GMEB1: variants seen among roughly 807,000 people sequenced by gnomAD.
GMEB1 encodes glucocorticoid modulatory element binding protein 1.
Under a neutral mutation model 52.4 loss-of-function variants are expected in GMEB1, and 6 were observed. The ratio of observed to expected loss-of-function variants is 0.11; its 90% confidence interval spans 0.06 to 0.23. GMEB1 has a LOEUF of 0.23. GMEB1 is among the 10% of genes least tolerant of loss of function. The pLI is 1.00. For synonymous variants in GMEB1, 255 were observed against 244.9 expected (o/e 1.04, Z -0.38); for missense variants, 486 against 685.6 (o/e 0.71, Z 3.25).
In GMEB1 at chr1:28,674,023, T is replaced by G. The variant is rs1458548766; in HGVS notation, c.-31+5184T>G. 3.3e-5 allele frequency among the ~76,000 whole-genome samples: 5 copies of G among 151,962 alleles called. No individual in the cohort carries two copies. The East Asian group carries it at 9.7e-4, about 29-fold the overall frequency. Reference sequence around the variant, plus strand: ...TTAGCCAGGCATGGTGGCGGGCACCTGTAATCCCAGCTACTCGGGAGGCTG... The same window carrying G: ...TTAGCCAGGCATGGTGGCGGGCACCGGTAATCCCAGCTACTCGGGAGGCTG... On this transcript the variant is annotated intron_variant, in intron 1 of 9. Transcript: ENST00000373816.
intron 1 of GMEB1, among the ~76,000 whole-genome samples, chr1:28,682,913 C>T (rs116455285): frequency 0.011 from 1,674 of 152,240 alleles, 14 homozygotes; most frequent in Non-Finnish European, 0.018. Context: ...TTGTCAATTT[C>T]GGGTCTGTTT....
intron 1 of GMEB1, 160 bp from the exon 2 acceptor site, chr1:28,683,423 C>T: frequency 1.9e-6 from 1 of 523,892 alleles, no homozygotes; most frequent in Non-Finnish European, 3.4e-6. Flanking sequence ...ACAGATTTCT[C>T]CATGTTGGTC....
intron 6 of GMEB1, among the ~76,000 whole-genome samples, chr1:28,700,197 A>G (rs1288854019): frequency 6.6e-6 from 1 of 151,402 alleles, no homozygotes; most frequent in Non-Finnish European, 1.5e-5. Flanking sequence ...GTGAAACCCC[A>G]TCTCTACTAA....
chr1:28,693,037 C>A lies in GMEB1; in HGVS notation c.432C>A (p.Ile144=). 1 of 1,583,194 alleles carries A rather than the reference C, an allele frequency of 6.3e-7. No homozygotes were observed. Among genetic ancestry groups the A allele is most frequent in the South Asian group, 1.1e-5 (1 of 88,886 alleles). ...AGAGAGCTATTCGTCTGGGTGGGAT[C>A]ATGCTCAGGTAAGCTCTAATGTCAA... The part of the protein sequence containing the change: ...DWKRAIRLGG[I]MLRKMMDSGQ... The change falls in exon 5 of 10, where the codon ATC becomes ATA. Residue 144 remains isoleucine, a synonymous_variant. Transcript: ENST00000373816.
intron 1 of GMEB1, among the ~76,000 whole-genome samples, chr1:28,675,841 T>C (rs990539642): frequency 1.3e-5 from 2 of 152,210 alleles, no homozygotes; most frequent in East Asian, 3.8e-4. Flanking sequence ...AAGAGCTACT[T>C]TTCCATTTAC....
At position 28,706,473 on chromosome 1, in the gene GMEB1, G is replaced by A. The variant is rs553648976; in HGVS notation, c.868+2144G>A. ...ACAAAAATCCGCGAGGCATGATGGC[G>A]GGTGCCTGTAATCCCAGCTACTCAG... is the stretch of plus-strand genomic sequence containing the variant. On this transcript the variant is annotated intron_variant, in intron 8 of 9. Coordinates refer to ENST00000373816, the MANE Select transcript of GMEB1 (RefSeq NM_001319674.2). Among the ~76,000 whole-genome samples the A allele has an allele frequency of 2.2e-4, 33 of 151,642 alleles. 1 individual carries two copies. In the South Asian group the frequency reaches 6.1e-3, roughly 28 times the overall value.
intron 6 of GMEB1, among the ~76,000 whole-genome samples, chr1:28,697,782 C>G (rs968038271): frequency 1.3e-5 from 2 of 152,154 alleles, no homozygotes; most frequent in African/African-American, 4.8e-5. Flanking sequence ...GCTCTGCAGG[C>G]TAGGCGTGGT....
Position 28,691,718 on chromosome 1 carries a change from C to CT in GMEB1, c.336+13dup. 6.9e-7 allele frequency: 1 copy of CT among 1,457,744 alleles called. No individual in the cohort carries two copies. The highest frequency in any genetic ancestry group is 9.2e-7 in the Non-Finnish European group (1 of 1,085,646). 90.3% of individuals were successfully genotyped at this position (1,457,744 alleles called of 1,614,324 possible). ...ACGTGAAGTGTGTCAAGGTAATTGTCTTTTCCATGCTGAAGCCAAATTTGG... is the reference window on the plus strand; with the variant it reads ...ACGTGAAGTGTGTCAAGGTAATTGTCTTTTTCCATGCTGAAGCCAAATTTGG... On this transcript the variant is annotated intron_variant, in intron 4 of 9. Coordinates refer to ENST00000373816, the MANE Select transcript of GMEB1 (RefSeq NM_001319674.2).
rs770934513 is a variant in GMEB1 at position 28,683,720 on chromosome 1, G to T, written c.108G>T (p.Gln36His). The change falls in exon 2 of 10, where the codon CAG (glutamine) becomes CAT (histidine). Residue 36 changes from glutamine to histidine, a missense_variant. Transcript: ENST00000373816. ...PEDTKTQVIL[Q>H]LQPVQQGIYE... ...ACACTAAAACCCAAGTGATTTTGCA[G>T]TTACAGCCTGTGCAACAAGGGTAAG... The T allele has an allele frequency of 3.1e-6, 5 of 1,612,040 alleles. No individual in the cohort carries two copies. Among genetic ancestry groups the T allele is most frequent in the Non-Finnish European group, 4.2e-6 (5 of 1,179,320 alleles).
At chr1:28,681,814 T>C (rs993146084) in intron 1 of GMEB1, among the ~76,000 whole-genome samples, 1 of 152,080 alleles carries the variant, frequency 6.6e-6, no homozygotes, top group Non-Finnish European at 1.5e-5. Context: ...GCGATTCTCC[T>C]GCCTCAGCCT....
At chr1:28,684,987 TA>T (rs1669571598) in intron 2 of GMEB1, among the ~76,000 whole-genome samples, 1 of 152,148 alleles carries the variant, frequency 6.6e-6, no homozygotes, top group African/African-American at 2.4e-5. Flanking sequence ...TTTGTAGAGA[TA>T]GGGGTCTTGC....
intron 8 of GMEB1, among the ~76,000 whole-genome samples, chr1:28,709,733 A>G (rs1570437493): frequency 6.6e-6 from 1 of 152,094 alleles, no homozygotes. Flanking sequence ...ACATGCCACC[A>G]CACCGAGCTA....
intron 1 of GMEB1, among the ~76,000 whole-genome samples, chr1:28,677,602 C>T (rs1269766244): frequency 6.6e-6 from 1 of 152,178 alleles, no homozygotes; most frequent in Admixed American, 6.6e-5. Flanking sequence ...TGTGTTATAG[C>T]ACGGTGCTTG....
intron 7 of GMEB1, 27 bp downstream of exon 7, chr1:28,702,596 T>G: frequency 6.2e-7 from 1 of 1,604,854 alleles, no homozygotes; most frequent in African/African-American, 1.3e-5. Flanking sequence ...CTCAGATGTC[T>G]TGCAGGGTCT....
chr1:28,690,203 GTTT>G lies in GMEB1; in HGVS notation c.211+36_211+38del, dbSNP rs878890649. 5.3e-3 allele frequency: 2,681 copies of G among 510,412 alleles called. 13 individuals are homozygous for G. The highest frequency in any genetic ancestry group is 7.3e-3 in the East Asian group (191 of 26,062). The allele number at this position is 510,412 out of a possible 1,614,324, so 31.6% of individuals were successfully genotyped here. On this transcript the variant is annotated intron_variant, in intron 3 of 9. Coordinates refer to ENST00000373816, the MANE Select transcript of GMEB1 (RefSeq NM_001319674.2). ...AAGGGATTGGTAAGGGTTTTTTTGT[GTTT>G]TTTTTTTTTTTTTTTTTTGTCATTC...
At chr1:28,713,197 C>T (rs1671144356) in intron 9 of GMEB1, among the ~76,000 whole-genome samples, 1 of 151,550 alleles carries the variant, frequency 6.6e-6, no homozygotes, top group South Asian at 2.1e-4. Context: ...CTCTGGAGAT[C>T]CATGTGTTTT....
intron 2 of GMEB1, among the ~76,000 whole-genome samples, chr1:28,689,375 C>T: frequency 6.6e-6 from 1 of 151,950 alleles, no homozygotes; most frequent in Non-Finnish European, 1.5e-5. Context: ...GCCTGTAATA[C>T]CAGCACTTTG....
chr1:28,687,414 C>G (rs1669731963), intron 2 of GMEB1, among the ~76,000 whole-genome samples: 2 of 119,328 alleles, frequency 1.7e-5, no homozygotes, highest in Non-Finnish European at 3.4e-5. Flanking sequence ...GAATAATGTT[C>G]TGGGAAGTGG....
rs751204039 is a variant in GMEB1 at position 28,714,372 on chromosome 1, T to C, written c.1291T>C (p.Ser431Pro). The C allele has an allele frequency of 1.9e-6, 3 of 1,614,064 alleles. No individual in the cohort carries two copies. The highest frequency in any genetic ancestry group is 1.7e-5 in the Admixed American group (1 of 59,988). Residue 431 changes from serine to proline, a missense_variant, in exon 10 of 10, where the codon TCT (serine) becomes CCT (proline). Ser to Pro is a moderately conservative substitution (Grantham distance 74, BLOSUM62 -1). Around this residue, in one of 5 missense-constraint regions of GMEB1, gnomAD observed 153 missense variants for 200.8 expected, o/e 0.76. Coordinates refer to ENST00000373816, the MANE Select transcript of GMEB1 (RefSeq NM_001319674.2). ...SSPVTVHTLP[S>P]GPQLFRYATV... ...TCCTGTGACTGTCCACACACTGCCT[T>C]CTGGCCCTCAGCTCTTCCGCTATGC...
Sources: gnomAD v4.1 joint callset for allele counts (sites outside exome capture counted in the v4.1 genomes callset) on GRCh38, gnomAD v4.1.1 for gene constraint, gnomAD v4.1.1 regional missense constraint, MANE v1.5 for transcripts, NCBI Gene and HGNC (gene_info 2026-07-23, HGNC 2026-07-21) for gene names.